The following RGMA variants were observed in gnomAD, a reference collection of about 807,000 sequenced individuals.
The protein encoded by RGMA is repulsive guidance molecule BMP co-receptor a.
A neutral mutation model predicts 23.2 loss-of-function variants in RGMA; 10 were observed. The observed-to-expected ratio is 0.43, with a 90% CI of 0.27 to 0.73. The LOEUF is 0.73. RGMA is among the 30% of genes least tolerant of loss of function. RGMA has a pLI of 0.20. For missense variants in RGMA, 547 were observed against 630.5 expected (o/e 0.87, Z 1.42); for synonymous variants, 308 against 279.3 (o/e 1.10, Z -1.03).
chr15:93,065,517 G>A (rs1240510065), intron 2 of RGMA: 4 of 611,460 alleles, frequency 6.5e-6, no homozygotes, highest in Non-Finnish European at 1.2e-5. Flanking sequence ...GTACTGGGTA[G>A]GGTACAGGTC....
At position 93,051,834 on chromosome 15, in the gene RGMA, C is replaced by A. The variant is rs1355366600; in HGVS notation, c.645+159G>T. On this transcript the variant is annotated intron_variant, in intron 3 of 3. Coordinates refer to ENST00000329082, the MANE Select transcript of RGMA (RefSeq NM_020211.3). ...GAGGAAGGAGGGAGGAAGCTGAGAC[C>A]CACCCCCTTGGGATGCTCAGGGAGG... 4 of 744,050 alleles carry A rather than the reference C, an allele frequency of 5.4e-6. No individual in the cohort carries two copies. The African/African-American group carries it at 7.1e-5, about 13-fold the overall frequency. The allele number at this position is 744,050 out of a possible 1,614,324, so 46.1% of individuals were successfully genotyped here. A position where few individuals can be genotyped will look rare whatever the true frequency, so the allele number is the denominator to read the frequency against.
At chr15:93,049,658 G>A (rs893585696) in intron 3 of RGMA, among the ~76,000 whole-genome samples, 14 of 152,214 alleles carry the variant, frequency 9.2e-5, no homozygotes, top group African/African-American at 3.4e-4. Flanking sequence ...GGTGTTTGGG[G>A]GCAGCTTCAT....
intron 2 of RGMA, chr15:93,065,456 G>A (rs561620305): frequency 1.4e-5 from 6 of 417,976 alleles, no homozygotes; most frequent in African/African-American, 1.0e-4. Flanking sequence ...TCAAAGAAAA[G>A]ATGAAAAGCT....
rs4778078 is a variant in RGMA, at chr15:93,045,059, G to A, written c.1292C>T (p.Ala431Val). The change falls in exon 4 of 4, where the codon GCC (alanine) becomes GTC (valine). Residue 431 changes from alanine (A) to valine (V), a missense_variant. Around this residue, in one of 3 missense-constraint regions of RGMA, gnomAD observed 205 missense variants for 204.1 expected, o/e 1.00. Transcript: ENST00000329082. The surrounding 1 kb of genome is among the most constrained non-coding windows in gnomAD (Gnocchi z 6.9). ...GAGGGCGCCCAGGAGGGGCCGGGGG[G>A]CCAGGGGCAGCCCCGCAGCCGCCCT... is the stretch of plus-strand genomic sequence containing the variant. ...PGRAAAGLPL[A>V]PRPLLGALVP... 386,997 of 1,572,574 alleles carry A rather than the reference G, an allele frequency of 0.25. 48,330 individuals are homozygous for A. Among genetic ancestry groups the A allele is most frequent in the South Asian group, 0.31 (26,865 of 86,118 alleles).
rs906519956 is a variant in RGMA, at chr15:93,042,352, A to G, written c.*2646T>C. The G allele has an allele frequency of 8.6e-6, 1 of 116,906 alleles. No individual in the cohort carries two copies. The highest frequency in any genetic ancestry group is 2.2e-5 in the Non-Finnish European group (1 of 46,492). 7.2% of individuals were successfully genotyped at this position (116,906 alleles called of 1,614,324 possible). A position where few individuals can be genotyped will look rare whatever the true frequency, so the allele number is the denominator to read the frequency against. On this transcript the variant is annotated 3_prime_UTR_variant, in exon 4 of 4. Transcript: ENST00000329082. Reference sequence around the variant, plus strand: ...ATTTATCTTGCTTTGGGATAATACCACCCCCTCCCTCCCCACGACCAGACA... The same window carrying G: ...ATTTATCTTGCTTTGGGATAATACCGCCCCCTCCCTCCCCACGACCAGACA...
intron 1 of RGMA, chr15:93,088,421 A>G: frequency 1.0e-6 from 1 of 985,670 alleles, no homozygotes. Context: ...CGGCGCGCCG[A>G]GGCAAAGGGC....
chr15:93,066,617 T>TGCCGTCACCACCGCCGCC (rs1170181771), intron 2 of RGMA: 4 of 450,154 alleles, frequency 8.9e-6, no homozygotes, highest in Non-Finnish European at 1.7e-5. Flanking sequence ...CCGTGGGGAC[T>TGCCGTCACCACCGCCGCC]GCCGTCACCA....
At chr15:93,072,109 C>G (rs1030564778) in intron 2 of RGMA, among the ~76,000 whole-genome samples, 2 of 151,564 alleles carry the variant, frequency 1.3e-5, no homozygotes, top group Non-Finnish European at 2.9e-5. Flanking sequence ...CCTCCCCCCT[C>G]CCCCCGAAAG....
chr15:93,061,502 G>A (rs945744146), intron 2 of RGMA, among the ~76,000 whole-genome samples: 3 of 152,170 alleles, frequency 2.0e-5, no homozygotes, highest in Non-Finnish European at 2.9e-5. Flanking sequence ...CCCTGTGCCC[G>A]GGAGATGCAC....
At chr15:93,047,763 GCT>G (rs2054848461) in intron 3 of RGMA, among the ~76,000 whole-genome samples, 1 of 152,212 alleles carries the variant, frequency 6.6e-6, no homozygotes, top group Non-Finnish European at 1.5e-5. Context: ...CTGCCTGCCG[GCT>G]CTCTGGGTAG....
At chr15:93,066,410 G>A in intron 2 of RGMA, 1 of 674,344 alleles carries the variant, frequency 1.5e-6, no homozygotes, top group East Asian at 3.4e-5. Context: ...CGGGGGGCGG[G>A]GGTTTCCAAG....
Position 93,056,352 on chromosome 15 carries a change from G to A in RGMA, c.131-3845C>T, listed in dbSNP as rs2055013974. Among the ~76,000 whole-genome samples, 4 of 152,268 alleles carry A rather than the reference G, an allele frequency of 2.6e-5. No individual in the cohort carries two copies. The South Asian group carries it at 6.2e-4, about 24-fold the overall frequency. On this transcript the variant is annotated intron_variant, in intron 2 of 3. Coordinates refer to ENST00000329082, the MANE Select transcript of RGMA (RefSeq NM_020211.3). Reference sequence around the variant, plus strand: ...CAGACAGCGCCCCCAGGAGCAAACAGCAGGGATGCGGCCACCTTAGCCCTG... The same window carrying A: ...CAGACAGCGCCCCCAGGAGCAAACAACAGGGATGCGGCCACCTTAGCCCTG...
At chr15:93,068,956 A>G (rs1895238126) in intron 2 of RGMA, among the ~76,000 whole-genome samples, 1 of 152,202 alleles carries the variant, frequency 6.6e-6, no homozygotes, top group African/African-American at 2.4e-5. Flanking sequence ...CAGCCTTCAG[A>G]ACTGTGAGCA....
At chr15:93,046,510 T>C (rs4433764) in intron 3 of RGMA, among the ~76,000 whole-genome samples, 92,288 of 151,984 alleles carry the variant, frequency 0.61, 28,849 homozygotes, top group East Asian at 0.93. Flanking sequence ...CGATAGGAAA[T>C]GAATATGGTT....
chr15:93,039,577 G>A lies in RGMA; in HGVS notation c.*5421C>T, dbSNP rs1189305685. 1 of 151,814 alleles carries A rather than the reference G, an allele frequency of 6.6e-6. No individual in the cohort carries two copies. Among genetic ancestry groups the A allele is most frequent in the Non-Finnish European group, 1.5e-5 (1 of 67,988 alleles). The allele number at this position is 151,814 out of a possible 1,614,324, so 9.4% of individuals were successfully genotyped here. Reference sequence around the variant, plus strand: ...CACCCACTGACAGGCCCCAGTGTGTGATGTTCCCTTCCCTGTGTCCATGTG... The same window carrying A: ...CACCCACTGACAGGCCCCAGTGTGTAATGTTCCCTTCCCTGTGTCCATGTG... On this transcript the variant is annotated 3_prime_UTR_variant, in exon 4 of 4. Transcript: ENST00000329082.
At chr15:93,065,647 G>A (rs1190247414) in intron 2 of RGMA, 10 of 957,878 alleles carry the variant, frequency 1.0e-5, no homozygotes, top group African/African-American at 6.5e-5. Context: ...CAGGGGCTGC[G>A]GGCTGCCGGG....
chr15:93,053,629 C>T (rs915882983), intron 2 of RGMA, among the ~76,000 whole-genome samples: 4 of 152,204 alleles, frequency 2.6e-5, no homozygotes, highest in Non-Finnish European at 2.9e-5. Flanking sequence ...GGCAGGCTAA[C>T]GCGAGCACGA....
At position 93,045,386 on chromosome 15, in the gene RGMA, T is replaced by C; in HGVS notation, c.965A>G (p.Asn322Ser). ...LYLCLRGCPL[N>S]QQIDFQAFHT... ...GAAGGCCTGGAAGTCGATCTGCTGG[T>C]TGAGGGGGCAGCCCCGCAGGCAGAG... The change falls in exon 4 of 4, where the codon AAC becomes AGC. Residue 322 changes from asparagine to serine, a missense_variant. By Grantham distance (46) the Asn-to-Ser change is conservative. Transcript: ENST00000329082. The surrounding 1 kb of genome is among the most constrained non-coding windows in gnomAD (Gnocchi z 6.9). The C allele has an allele frequency of 2.5e-6, 4 of 1,611,534 alleles. No individual in the cohort carries two copies. Among genetic ancestry groups the C allele is most frequent in the Non-Finnish European group, 3.4e-6 (4 of 1,179,348 alleles).
chr15:93,054,179 G>T (rs554776491), intron 2 of RGMA, among the ~76,000 whole-genome samples: 1 of 145,278 alleles, frequency 6.9e-6, no homozygotes, highest in Non-Finnish European at 1.5e-5. Flanking sequence ...GCAGTGACCT[G>T]AGATGGCGCC....
Sources: allele counts gnomAD v4.1 joint callset (sites outside exome capture counted in the v4.1 genomes callset), GRCh38; gene constraint gnomAD v4.1.1; regional missense constraint gnomAD v4.1.1; non-coding constraint Gnocchi (gnomAD v3.1); transcripts MANE v1.5; gene names NCBI Gene and HGNC (gene_info 2026-07-23, HGNC 2026-07-21).